Variants in ASCC2 observed in about 807,000 individuals in gnomAD.
ASCC2 encodes ASC-1 complex subunit P100.
In ASCC2, 42 loss-of-function variants were observed where a neutral mutation model predicts 93.5. The ratio of observed to expected loss-of-function variants is 0.45; its 90% CI spans 0.35 to 0.58. The LOEUF (loss-of-function observed/expected upper bound fraction) is 0.58. ASCC2 is among the 20% of genes least tolerant of loss of function. The pLI, the probability that ASCC2 is intolerant of heterozygous loss-of-function variation, is 0.00. For missense variants in ASCC2, 859 were observed against 977.6 expected (o/e 0.88, Z 1.62); for synonymous variants, 364 against 384.2 (o/e 0.95, Z 0.62).
At chr22:29,833,892 T>C (rs2063460870) in intron 1 of ASCC2, among the ~76,000 whole-genome samples, 1 of 151,528 alleles carries the variant, frequency 6.6e-6, no homozygotes, top group African/African-American at 2.4e-5. Context: ...TTTTTTTTTT[T>C]TTTAAATAGA....
chr22:29,814,628 A>C (rs373021329), intron 7 of ASCC2, 29 bp downstream of exon 7: 1 of 1,559,190 alleles, frequency 6.4e-7, no homozygotes, highest in African/African-American at 1.4e-5. Flanking sequence ...ACCCGGCAGG[A>C]AAGAGACTGG....
chr22:29,808,418 C>T (rs2059925973), intron 8 of ASCC2, among the ~76,000 whole-genome samples: 1 of 152,180 alleles, frequency 6.6e-6, no homozygotes, highest in Admixed American at 6.5e-5. Context: ...AGATGGGCAA[C>T]TGAGGCCCAG....
intron 1 of ASCC2, among the ~76,000 whole-genome samples, chr22:29,835,947 A>T (rs1473412940): frequency 2.0e-5 from 3 of 152,058 alleles, no homozygotes; most frequent in South Asian, 2.1e-4. Flanking sequence ...AGGATGGGGG[A>T]AAAGGTGACA....
intron 15 of ASCC2, among the ~76,000 whole-genome samples, chr22:29,796,541 T>C (rs2058464699): frequency 6.6e-6 from 1 of 152,126 alleles, no homozygotes; most frequent in Non-Finnish European, 1.5e-5. Context: ...GTTACTTGAT[T>C]GGACCAGGAG....
At chr22:29,803,080 CT>C (rs2147703979) in intron 13 of ASCC2, among the ~76,000 whole-genome samples, 1 of 152,002 alleles carries the variant, frequency 6.6e-6, no homozygotes, top group East Asian at 1.9e-4. Context: ...AACCCCATCT[CT>C]GCTAAAAAAA....
chr22:29,820,383 C>T (rs1283130718), intron 5 of ASCC2, among the ~76,000 whole-genome samples: 1 of 151,786 alleles, frequency 6.6e-6, no homozygotes, highest in Non-Finnish European at 1.5e-5. Flanking sequence ...AGATTGGTCA[C>T]GAACTCCTGA....
intron 8 of ASCC2, among the ~76,000 whole-genome samples, 188 bp downstream of exon 8, chr22:29,813,242 G>A (rs2060482588): frequency 6.6e-6 from 1 of 152,104 alleles, no homozygotes; most frequent in African/African-American, 2.4e-5. Context: ...AAAAACAGGA[G>A]TGCTTCTAAA....
In ASCC2 at chr22:29,790,541, T is replaced by C. The variant is rs750441303; in HGVS notation, c.2030A>G (p.His677Arg). The C allele has an allele frequency of 1.2e-6, 2 of 1,613,978 alleles. No individual in the cohort carries two copies. Among genetic ancestry groups the C allele is most frequent in the Non-Finnish European group, 1.7e-6 (2 of 1,179,996 alleles). Residue 677 changes from histidine to arginine, a missense_variant, in exon 19 of 20, where the codon CAT (histidine) becomes CGT (arginine). Coordinates refer to ENST00000307790, the MANE Select transcript of ASCC2 (RefSeq NM_032204.5). ...DADEEAPKPDHFVQDPAVLRE... is the reference protein window; with the variant it reads ...DADEEAPKPDRFVQDPAVLRE... ...CAGCACTGCAGGGTCCTGAACAAAA[T>C]GGTCGGGCTGTGGAAAGGAGAGGAG... is the stretch of plus-strand genomic sequence containing the variant.
chr22:29,808,438 T>G (rs547423053), intron 8 of ASCC2, among the ~76,000 whole-genome samples: 1 of 152,268 alleles, frequency 6.6e-6, no homozygotes, highest in African/African-American at 2.4e-5. Context: ...GATAGGCTCA[T>G]ACTAACAGAG....
intron 13 of ASCC2, among the ~76,000 whole-genome samples, chr22:29,803,398 C>T (rs1290289821): frequency 6.6e-6 from 1 of 152,108 alleles, no homozygotes; most frequent in East Asian, 1.9e-4. Context: ...CTCTCTGAAC[C>T]TCAGTTTCCT....
Position 29,822,479 on chromosome 22 carries a change from A to G in ASCC2, c.412-15T>C. ...ATGAAGTGATCCTAAGGAAAAATGC[A>G]GAGAGAAAGGATAGAGATTTTCTGA... is the stretch of plus-strand genomic sequence containing the variant. On this transcript the variant is annotated splice_polypyrimidine_tract_variant and intron_variant, in intron 4 of 19. Transcript: ENST00000307790. 1 of 1,613,068 alleles carries G rather than the reference A, an allele frequency of 6.2e-7. No individual in the cohort carries two copies. The highest frequency in any genetic ancestry group is 8.5e-7 in the Non-Finnish European group (1 of 1,179,526).
At chr22:29,818,102 GA>G (rs34780837) in intron 5 of ASCC2, among the ~76,000 whole-genome samples, 13,231 of 118,750 alleles carry the variant, frequency 0.11, 669 homozygotes, top group African/African-American at 0.16. Context: ...GGATTGCTTG[GA>G]AAAAAAAAAA....
chr22:29,825,168 A>C lies in ASCC2; in HGVS notation c.330T>G (p.Pro110=). 6.4e-7 allele frequency: 1 copy of C among 1,565,100 alleles called. No homozygotes were observed. The stretch of plus-strand genomic sequence containing the variant: ...GGCGCTTCTGCATGTCAACAACCTC[A>C]GGGGCTGAGGCCACCCCCTCGTCGA... ...RKFDEGVASA[P]EVVDMQKRLH... The change falls in exon 4 of 20, where the codon CCT becomes CCG. Residue 110 remains proline (P), a synonymous_variant. Coordinates refer to ENST00000307790, the MANE Select transcript of ASCC2 (RefSeq NM_032204.5). The surrounding 1 kb of genome is among the most constrained non-coding windows in gnomAD (Gnocchi z 4.9).
At chr22:29,822,262 T>A (rs891509604) in intron 5 of ASCC2, 73 bp downstream of exon 5, 1 of 1,594,494 alleles carries the variant, frequency 6.3e-7, no homozygotes, top group Non-Finnish European at 8.6e-7. Flanking sequence ...GTCAAAGCGC[T>A]GGCCTTTGCA....
intron 13 of ASCC2, among the ~76,000 whole-genome samples, chr22:29,803,883 T>A (rs559602398): frequency 6.6e-6 from 1 of 152,206 alleles, no homozygotes; most frequent in African/African-American, 2.4e-5. Flanking sequence ...AATGGAGCAC[T>A]GAAGGCCAGT....
chr22:29,789,074 G>A lies in ASCC2; in HGVS notation c.2213C>T (p.Ala738Val). The part of the protein sequence containing the change: ...RKKEANKATR[A>V]NHNRRTMADR... ...GGCCATGGTTCTCCGGTTGTGGTTG[G>A]CTCTTGTCGCCTTGTTGGCTTCCTT... The change falls in exon 20 of 20, where the codon GCC becomes GTC. Residue 738 changes from alanine (A) to valine (V), a missense_variant. Ala to Val is a moderately conservative substitution (Grantham distance 64). Coordinates refer to ENST00000307790, the MANE Select transcript of ASCC2 (RefSeq NM_032204.5). 6.2e-7 allele frequency: 1 copy of A among 1,614,164 alleles called. No individual in the cohort carries two copies. Among genetic ancestry groups the A allele is most frequent in the Non-Finnish European group, 8.5e-7 (1 of 1,180,020 alleles).
At position 29,801,090 on chromosome 22, in the gene ASCC2, G is replaced by A. The variant is rs1220881833; in HGVS notation, c.1589C>T (p.Thr530Ile). Residue 530 changes from threonine to isoleucine, a missense_variant, in exon 15 of 20, where the codon ACA (threonine) becomes ATA (isoleucine). Transcript: ENST00000307790. Reference sequence around the variant, plus strand: ...GTTGTGGCGAGACGTCAGCAGGGGTGTAGGGTCTGGTTTCATTTCTCTGGG... The same window carrying A: ...GTTGTGGCGAGACGTCAGCAGGGGTATAGGGTCTGGTTTCATTTCTCTGGG... Reference protein sequence around the residue: ...NLDREMKPDPTPLLTSRHNVF... With the variant: ...NLDREMKPDPIPLLTSRHNVF... 1.2e-6 allele frequency: 2 copies of A among 1,603,912 alleles called. No individual in the cohort carries two copies. The highest frequency in any genetic ancestry group is 8.5e-7 in the Non-Finnish European group (1 of 1,171,632).
intron 9 of ASCC2, among the ~76,000 whole-genome samples, chr22:29,807,208 C>G (rs910417875): frequency 3.7e-5 from 5 of 136,396 alleles, no homozygotes; most frequent in African/African-American, 1.2e-4. Context: ...GCCATTCCAG[C>G]CTGGGTGACA....
chr22:29,793,654 G>A lies in ASCC2; in HGVS notation c.1711C>T (p.Arg571Trp), dbSNP rs61736785. Residue 571 changes from arginine to tryptophan, a missense_variant, in exon 16 of 20, where the codon CGG becomes TGG. By Grantham distance (101) the Arg-to-Trp change is moderately radical. Coordinates refer to ENST00000307790, the MANE Select transcript of ASCC2 (RefSeq NM_032204.5). ...GKSTRKEENTRSLLNDKRAVA... is the reference protein window; with the variant it reads ...GKSTRKEENTWSLLNDKRAVA... ...GCACGCTTGTCGTTCAGCAAACTCCGCGTGTTTTCCTCCTTCCTGGTGCTG... is the reference window on the plus strand; with the variant it reads ...GCACGCTTGTCGTTCAGCAAACTCCACGTGTTTTCCTCCTTCCTGGTGCTG... 2,953 of 1,579,390 alleles carry A rather than the reference G, an allele frequency of 1.9e-3. 6 individuals carry two copies. Among genetic ancestry groups the A allele is most frequent in the Middle Eastern group, 3.3e-3 (20 of 6,020 alleles).
Sources: allele counts gnomAD v4.1 joint callset (sites outside exome capture counted in the v4.1 genomes callset), GRCh38; gene constraint gnomAD v4.1.1; non-coding constraint Gnocchi (gnomAD v3.1); transcripts MANE v1.5; gene names NCBI Gene and HGNC (gene_info 2026-07-23, HGNC 2026-07-21).